VRK2: variants seen among roughly 807,000 people sequenced by gnomAD.
VRK2 encodes the protein serine/threonine-protein kinase VRK2.
A neutral mutation model predicts 57.6 loss-of-function variants in VRK2; 60 were observed. That is an observed-to-expected ratio of 1.04 (90% CI 0.85 to 1.29). VRK2 has a LOEUF of 1.29. VRK2 is among the 50% of genes most tolerant of loss of function. The probability of loss-of-function intolerance (pLI) is 0.00; values close to 1 mark genes in which losing one functional copy is unlikely to be tolerated. For missense variants in VRK2, 705 were observed against 588.1 expected, an observed-to-expected ratio of 1.20 and a Z score of -2.06; for synonymous variants, 231 against 199.2, an observed-to-expected ratio of 1.16 and a Z score of -1.35.
chr2:57,953,877 CA>C (rs1376625436), intron 1 of VRK2, among the ~76,000 whole-genome samples: 1 of 151,948 alleles, frequency 6.6e-6, no homozygotes, highest in African/African-American at 2.4e-5. Flanking sequence ...AAAGTTTCTT[CA>C]AAAAAACTGA....
At chr2:57,912,756 T>C (rs536022733) in intron 1 of VRK2, among the ~76,000 whole-genome samples, 16 of 152,260 alleles carry the variant, frequency 1.1e-4, no homozygotes, top group Non-Finnish European at 1.9e-4. Context: ...TCATACAAAT[T>C]GCTTAGAACA....
intron 1 of VRK2, among the ~76,000 whole-genome samples, chr2:58,016,653 T>A (rs918136667): frequency 1.3e-4 from 20 of 152,198 alleles, no homozygotes; most frequent in Non-Finnish European, 2.6e-4. Context: ...AGCCACCACC[T>A]GGCCATGTTT....
intron 1 of VRK2, among the ~76,000 whole-genome samples, chr2:58,021,441 T>A (rs1246118221): frequency 2.6e-5 from 4 of 152,192 alleles, no homozygotes; most frequent in Admixed American, 2.6e-4. Context: ...AACATTACTT[T>A]AGAATTTTTC....
At chr2:58,132,393 TAAG>T (rs1384165596) in intron 9 of VRK2, among the ~76,000 whole-genome samples, 2 of 152,218 alleles carry the variant, frequency 1.3e-5, no homozygotes, top group East Asian at 1.9e-4. Flanking sequence ...TTTTCTTTCT[TAAG>T]AAACAAAATT....
At chr2:57,944,073 GAAC>G (rs1671179607) in intron 1 of VRK2, among the ~76,000 whole-genome samples, 1 of 151,690 alleles carries the variant, frequency 6.6e-6, no homozygotes, top group Non-Finnish European at 1.5e-5. Context: ...CAAACAAACA[GAAC>G]AACAACAAAA....
At chr2:58,113,068 T>C (rs1242948771) in intron 7 of VRK2, among the ~76,000 whole-genome samples, 1 of 152,054 alleles carries the variant, frequency 6.6e-6, no homozygotes, top group Admixed American at 6.5e-5. Flanking sequence ...CCCAGCACTT[T>C]GGGAGGCCAA....
chr2:57,951,449 T>C (rs1001393028), intron 1 of VRK2, among the ~76,000 whole-genome samples: 1 of 152,216 alleles, frequency 6.6e-6, no homozygotes, highest in African/African-American at 2.4e-5. Flanking sequence ...GAATATCACA[T>C]AAACTTAGTT....
chr2:58,036,843 C>A (rs1031704404), intron 3 of VRK2, among the ~76,000 whole-genome samples: 2 of 152,016 alleles, frequency 1.3e-5, no homozygotes, highest in Non-Finnish European at 2.9e-5. Flanking sequence ...TCTATACTGT[C>A]CAATAGGGTA....
intron 1 of VRK2, among the ~76,000 whole-genome samples, chr2:57,926,819 C>G (rs1670554240): frequency 6.6e-6 from 1 of 151,232 alleles, no homozygotes; most frequent in South Asian, 2.1e-4. Flanking sequence ...TTCAGCCACT[C>G]TGTGTTTTTT....
chr2:58,143,170 G>A (rs1205232723), intron 11 of VRK2, among the ~76,000 whole-genome samples: 2 of 151,926 alleles, frequency 1.3e-5, no homozygotes, highest in Non-Finnish European at 2.9e-5. Context: ...TGAGGATAGT[G>A]AAATACAGAT....
At chr2:58,010,957 A>C (rs889949054) in intron 1 of VRK2, among the ~76,000 whole-genome samples, 2 of 152,188 alleles carry the variant, frequency 1.3e-5, no homozygotes, top group Non-Finnish European at 2.9e-5. Flanking sequence ...CTTACTTTTT[A>C]GTACAACTGT....
At chr2:58,127,376 C>T (rs1048090814) in intron 8 of VRK2, among the ~76,000 whole-genome samples, 4 of 152,104 alleles carry the variant, frequency 2.6e-5, no homozygotes, top group Non-Finnish European at 4.4e-5. Context: ...GTCTAAGATA[C>T]ATTTGCTCTA....
At chr2:57,917,173 T>C (rs537114304) in intron 1 of VRK2, among the ~76,000 whole-genome samples, 53 of 152,194 alleles carry the variant, frequency 3.5e-4, no homozygotes, top group African/African-American at 1.3e-3. Context: ...GGAGAAAGAA[T>C]ACCAACAACC....
chr2:58,138,052 G>T (rs1680801556), intron 10 of VRK2, among the ~76,000 whole-genome samples: 1 of 152,136 alleles, frequency 6.6e-6, no homozygotes, highest in Non-Finnish European at 1.5e-5. Context: ...ATCAGTTGGT[G>T]GAGTGCCAGG....
intron 1 of VRK2, among the ~76,000 whole-genome samples, chr2:57,972,007 T>A (rs986871341): frequency 2.0e-5 from 3 of 151,922 alleles, no homozygotes; most frequent in Non-Finnish European, 2.9e-5. Context: ...CAATAAGAGC[T>A]TCTTCAGGTT....
intron 7 of VRK2, among the ~76,000 whole-genome samples, chr2:58,100,439 A>G (rs924838450): frequency 6.6e-6 from 1 of 151,918 alleles, no homozygotes; most frequent in Admixed American, 6.6e-5. Flanking sequence ...ACTAGGTGGT[A>G]TAGCTGGTGA....
intron 5 of VRK2, 151 bp downstream of exon 5, chr2:58,086,577 C>T: frequency 1.7e-6 from 1 of 593,380 alleles, no homozygotes; most frequent in South Asian, 2.6e-5. Context: ...GAGGAGACTG[C>T]AAGTGGCTTA....
At chr2:58,039,921 T>A (rs916998752) in intron 3 of VRK2, among the ~76,000 whole-genome samples, 4 of 151,712 alleles carry the variant, frequency 2.6e-5, no homozygotes, top group African/African-American at 9.7e-5. Context: ...TTTTTATTTT[T>A]ATTTTTATTT....
intron 4 of VRK2, among the ~76,000 whole-genome samples, chr2:58,085,561 T>C (rs555993792): frequency 2.0e-5 from 3 of 152,036 alleles, no homozygotes; most frequent in Non-Finnish European, 2.9e-5. Flanking sequence ...AAGAAAAACA[T>C]TAAAGAAGTA....
Sources: gnomAD v4.1 joint callset for allele counts (sites outside exome capture counted in the v4.1 genomes callset) on GRCh38, gnomAD v4.1.1 for gene constraint, MANE v1.5 for transcripts, NCBI Gene and HGNC (gene_info 2026-07-23, HGNC 2026-07-21) for gene names.